MROH9: variants seen among roughly 807,000 people sequenced by gnomAD.
The protein encoded by MROH9 is maestro heat like repeat family member 9.
MROH9 carries 92 observed loss-of-function variants against 98.2 expected under a neutral mutation model. The ratio of observed to expected loss-of-function variants is 0.94; its 90% CI spans 0.79 to 1.11. The LOEUF (loss-of-function observed/expected upper bound fraction) is 1.11, where lower values mean the gene tolerates loss of function less well. Among genes scored for constraint, MROH9 ranks in the 50% most tolerant of loss-of-function variants. MROH9 has a pLI of 0.00. For synonymous variants in MROH9, 397 were observed against 368.9 expected (o/e 1.08, Z -0.87); for missense variants, 1,057 against 1,014.8 (o/e 1.04, Z -0.57).
In MROH9 at chr1:171,043,497, T is replaced by G. The variant is rs565537079; in HGVS notation, c.2281+18077T>G. Among the ~76,000 whole-genome samples the G allele has an allele frequency of 1.2e-4, 18 of 152,226 alleles. No individual in the cohort carries two copies. The East Asian group carries it at 2.5e-3, about 21-fold the overall frequency. On this transcript the variant is annotated intron_variant, in intron 20 of 21. Transcript: ENST00000367759. ...TTTCATATACATTTTAGAATAGTAT[T>G]TTCTATTTATATAAAGAATGTCATT...
intron 3 of MROH9, among the ~76,000 whole-genome samples, chr1:170,947,997 G>A (rs923406569): frequency 1.2e-4 from 18 of 151,898 alleles, no homozygotes; most frequent in African/African-American, 4.1e-4. Flanking sequence ...AGCCATTCTA[G>A]TTTGTGTCTT....
intron 3 of MROH9, among the ~76,000 whole-genome samples, chr1:170,948,336 G>A (rs1649413471): frequency 1.3e-5 from 2 of 151,972 alleles, no homozygotes. Flanking sequence ...ATAATCCATA[G>A]GTCGAAGTCG....
chr1:171,047,182 C>T (rs1052972585), intron 20 of MROH9, among the ~76,000 whole-genome samples: 11 of 152,038 alleles, frequency 7.2e-5, no homozygotes, highest in African/African-American at 1.7e-4. Flanking sequence ...ATTCCACAAC[C>T]TTTTTGTACT....
chr1:170,969,911 C>A (rs938845123), intron 7 of MROH9, among the ~76,000 whole-genome samples: 1 of 152,134 alleles, frequency 6.6e-6, no homozygotes, highest in Non-Finnish European at 1.5e-5. Context: ...TGTCACGCTT[C>A]TGAAGGGGCT....
At chr1:170,953,891 GA>G (rs1557871585) in intron 3 of MROH9, among the ~76,000 whole-genome samples, 1 of 18,868 alleles carries the variant, frequency 5.3e-5, no homozygotes, top group Non-Finnish European at 9.3e-5. Context: ...AAGAAAGAAA[GA>G]AAAAAAGAGA....
chr1:170,939,686 G>A (rs1422115294), intron 1 of MROH9, among the ~76,000 whole-genome samples: 4 of 152,076 alleles, frequency 2.6e-5, no homozygotes, highest in East Asian at 1.9e-4. Flanking sequence ...GAGTACTGCC[G>A]TGCACACCCA....
intron 20 of MROH9, among the ~76,000 whole-genome samples, chr1:171,051,899 T>C (rs528152719): frequency 2.2e-4 from 33 of 152,204 alleles, no homozygotes; most frequent in Non-Finnish European, 4.9e-4. Context: ...CCTCCATTTG[T>C]TTTGTGCCTT....
rs1649862202 is a variant in MROH9 at position 170,958,383 on chromosome 1, T to G, written c.73-78T>G. ...CTTTAGTCTCTGTAAAAGGAAGAAG[T>G]GCACATGCTATTATGAGTCTCACTG... On this transcript the variant is annotated intron_variant, in intron 3 of 21. Transcript: ENST00000367759. 3 of 785,282 alleles carry G rather than the reference T, an allele frequency of 3.8e-6. No individual in the cohort carries two copies. The Admixed American group carries it at 7.2e-5, about 19-fold the overall frequency. 48.6% of individuals were successfully genotyped at this position (785,282 alleles called of 1,614,324 possible).
chr1:171,009,314 A>C (rs747363199), intron 15 of MROH9, among the ~76,000 whole-genome samples: 7 of 152,146 alleles, frequency 4.6e-5, no homozygotes, highest in Non-Finnish European at 1.0e-4. Context: ...CCACACAGAT[A>C]ATATAATTAC....
intron 3 of MROH9, among the ~76,000 whole-genome samples, chr1:170,957,705 C>T (rs1331592003): frequency 6.6e-6 from 1 of 152,004 alleles, no homozygotes; most frequent in African/African-American, 2.4e-5. Flanking sequence ...CTTTAATTAC[C>T]ACTTTTAAAG....
intron 15 of MROH9, among the ~76,000 whole-genome samples, chr1:171,009,953 T>G (rs548472889): frequency 6.6e-6 from 1 of 152,368 alleles, no homozygotes; most frequent in South Asian, 2.1e-4. Flanking sequence ...TTTTTTTCCT[T>G]TTTTAATTAT....
intron 3 of MROH9, among the ~76,000 whole-genome samples, chr1:170,954,099 T>C (rs6675001): frequency 0.85 from 129,562 of 152,012 alleles, 55,682 homozygotes; most frequent in Middle Eastern, 0.98. Context: ...TCTGTAGAAG[T>C]CTTTATCTTT....
intron 8 of MROH9, among the ~76,000 whole-genome samples, chr1:170,977,079 G>T (rs1650730673): frequency 6.6e-6 from 1 of 151,982 alleles, no homozygotes; most frequent in South Asian, 2.1e-4. Context: ...GTGTTTTTCA[G>T]CTCTATCAGG....
intron 4 of MROH9, among the ~76,000 whole-genome samples, 178 bp downstream of exon 4, chr1:170,958,718 C>G (rs531920731): frequency 6.6e-6 from 1 of 152,194 alleles, no homozygotes; most frequent in Non-Finnish European, 1.5e-5. Context: ...CGTAGACAAG[C>G]AGATAATCTT....
chr1:170,945,378 AT>A (rs1468868634), intron 1 of MROH9, 141 bp from the exon 2 acceptor site: 1 of 600,368 alleles, frequency 1.7e-6, no homozygotes, highest in Non-Finnish European at 3.0e-6. Context: ...AAGCCTTTAA[AT>A]TTGTGATAAA....
chr1:171,044,972 CTTTTTTTTTTTTTTTTT>C (rs754332732), intron 20 of MROH9, among the ~76,000 whole-genome samples: 21 of 45,706 alleles, frequency 4.6e-4, no homozygotes, highest in African/African-American at 1.2e-3. Flanking sequence ...CTGCTCTGAT[CTTTTTTTTTTTTTTTTT>C]TTTTTTTTTT....
intron 3 of MROH9, among the ~76,000 whole-genome samples, chr1:170,953,818 TGAAAGAAAGAAAAA>T (rs761701620): frequency 1.1e-5 from 1 of 91,024 alleles, no homozygotes; most frequent in Non-Finnish European, 2.2e-5. Flanking sequence ...GAGAGAGAGA[TGAAAGAAAGAAAAA>T]GAAAGGAAGG....
At chr1:170,975,102 A>G (rs1650628415) in intron 8 of MROH9, among the ~76,000 whole-genome samples, 1 of 152,180 alleles carries the variant, frequency 6.6e-6, no homozygotes, top group South Asian at 2.1e-4. Flanking sequence ...TAGGAAACAA[A>G]TAATCAAGAC....
At chr1:170,982,713 G>A (rs994536691) in intron 8 of MROH9, among the ~76,000 whole-genome samples, 5 of 151,974 alleles carry the variant, frequency 3.3e-5, no homozygotes, top group South Asian at 4.2e-4. Flanking sequence ...AACATAGTGC[G>A]ACCCTATCTC....
Sources: allele counts gnomAD v4.1 joint callset (sites outside exome capture counted in the v4.1 genomes callset), GRCh38; gene constraint gnomAD v4.1.1; transcripts MANE v1.5; gene names NCBI Gene and HGNC (gene_info 2026-07-23, HGNC 2026-07-21).